The following TAF1 variants were observed in gnomAD, a reference collection of about 807,000 sequenced individuals.
TAF1 encodes TATA-box binding protein associated factor 1, also known as transcription initiation factor TFIID subunit 1.
TAF1 carries 2 observed loss-of-function variants against 138.5 expected under a neutral mutation model. That is an observed-to-expected ratio of 0.01 (90% confidence interval 0.01 to 0.05). TAF1 has a LOEUF of 0.05. Ranked by LOEUF, TAF1 falls within the 10% of genes least tolerant of loss-of-function variation. TAF1 has a pLI of 1.00. For synonymous variants in TAF1, 437 were observed against 503.2 expected (o/e 0.87, Z 1.76); for missense variants, 709 against 1,478.0 (o/e 0.48, Z 8.53).
At chrX:71,493,941 C>G (rs2039346146) in intron 13 of TAF1, among the ~76,000 whole-genome samples, 1 of 111,948 alleles carries the variant, frequency 8.9e-6, no homozygotes, top group Non-Finnish European at 1.9e-5. Context: ...CCACTGCACT[C>G]CAGCCTGGGT....
intron 13 of TAF1, among the ~76,000 whole-genome samples, chrX:71,487,127 C>A (rs1179366988): frequency 1.3e-4 from 14 of 105,494 alleles, no homozygotes; most frequent in African/African-American, 4.5e-4. Context: ...ACCCCTCTTC[C>A]TTCAGGGACT....
Position 71,393,484 on chromosome X carries a change from G to A in TAF1, c.3227+8G>A, listed in dbSNP as rs373273976. On this transcript the variant is annotated splice_region_variant and intron_variant, in intron 21 of 37. Transcript: ENST00000423759. Reference sequence around the variant, plus strand: ...CTTTGACCTACAGAACAAGTGGGTCGTTTTAGTGCTGCAGAAAATCCAAGC... The same window carrying A: ...CTTTGACCTACAGAACAAGTGGGTCATTTTAGTGCTGCAGAAAATCCAAGC... 3.4e-5 allele frequency: 40 copies of A among 1,171,503 alleles called. No homozygotes were observed. The highest frequency in any genetic ancestry group is 4.3e-5 in the Non-Finnish European group (38 of 877,956).
intron 32 of TAF1, among the ~76,000 whole-genome samples, chrX:71,424,468 C>A (rs771901344): frequency 1.1e-5 from 1 of 93,328 alleles, no homozygotes; most frequent in African/African-American, 4.1e-5. Context: ...ACTATTTTGC[C>A]CAGGCTGAGC....
At chrX:71,398,122 G>A (rs1418954276) in intron 23 of TAF1, among the ~76,000 whole-genome samples, 1 of 110,893 alleles carries the variant, frequency 9.0e-6, no homozygotes, top group Admixed American at 9.6e-5. Flanking sequence ...GGCGGATCAC[G>A]AGGTCAGGAG....
intron 3 of TAF1, among the ~76,000 whole-genome samples, chrX:71,370,470 C>T (rs1330583468): frequency 1.8e-5 from 2 of 111,205 alleles, no homozygotes; most frequent in East Asian, 5.7e-4. Flanking sequence ...CCTCAGCCTC[C>T]CCAGTAGCTG....
At chrX:71,370,514 T>C (rs1032218490) in intron 3 of TAF1, among the ~76,000 whole-genome samples, 5 of 111,149 alleles carry the variant, frequency 4.5e-5, no homozygotes, top group African/African-American at 1.6e-4. Context: ...TCCCGGCTAA[T>C]TTTTTTTGTA....
rs1177043454 is a variant in TAF1 at position 71,420,402 on chromosome X, C to T, written c.4385-907C>T. The T allele has an allele frequency of 4.7e-5, 57 of 1,208,719 alleles. 1 individual carries two copies. The South Asian group carries it at 7.4e-4, about 16-fold the overall frequency. On this transcript the variant is annotated intron_variant, in intron 28 of 37. Transcript: ENST00000423759. ...AAATTTGTCACAGAGTATGGTAACA[C>T]GGTTGACTGAACCACAGCCATGAAA...
chrX:71,458,084 C>T (rs1417942682), intron 34 of TAF1, among the ~76,000 whole-genome samples, 157 bp from the exon 35 acceptor site: 2 of 112,651 alleles, frequency 1.8e-5, no homozygotes, highest in Non-Finnish European at 3.7e-5. Context: ...TTATAAGAGT[C>T]CCAAAAACTT....
rs754073211 is a variant in TAF1 at position 71,375,260 on chromosome X, A to G, written c.446A>G (p.Asp149Gly). ...PPPPPGPMKK[D>G]KDQDSITGVS... ...CCACCCCCGGGACCAATGAAGAAGG[A>G]TAAGGACCAGGATTCTATTACTGGT... is the stretch of plus-strand genomic sequence containing the variant. Residue 149 changes from aspartate to glycine, a missense_variant, in exon 4 of 38, where the codon GAT (aspartate) becomes GGT (glycine). This residue lies in a region of TAF1 where 123 missense variants were observed against 161.6 expected (regional missense o/e 0.76). Transcript: ENST00000423759. 8.3e-7 allele frequency: 1 copy of G among 1,209,894 alleles called. No individual in the cohort carries two copies. Among genetic ancestry groups the G allele is most frequent in the Admixed American group, 2.2e-5 (1 of 45,528 alleles).
chrX:71,524,742 A>T (rs1224424971), intron 13 of TAF1, among the ~76,000 whole-genome samples: 1 of 109,515 alleles, frequency 9.1e-6, no homozygotes, highest in Non-Finnish European at 1.9e-5. Flanking sequence ...GGAATTCAAG[A>T]CCAGCCTGGC....
intron 18 of TAF1, among the ~76,000 whole-genome samples, chrX:71,391,509 C>A (rs920315504): frequency 9.1e-6 from 1 of 110,219 alleles, no homozygotes; most frequent in Admixed American, 9.7e-5. Flanking sequence ...CATAGTGAGA[C>A]CCTGTCTCTA....
rs752814741 is a variant in TAF1, at chrX:71,408,042, A to G, written c.4275A>G (p.Pro1425=). The G allele has an allele frequency of 5.0e-6, 6 of 1,211,926 alleles. No individual in the cohort carries two copies. The East Asian group carries it at 1.8e-4, about 36-fold the overall frequency. Residue 1425 remains proline (P), a synonymous_variant, in exon 28 of 38, where the codon CCA becomes CCG. Coordinates refer to ENST00000423759, the MANE Select transcript of TAF1 (RefSeq NM_004606.5). The part of the protein sequence containing the change: ...VKDYYKIITR[P]MDLQTLRENV... ...ACTACTACAAAATCATCACTCGGCCAATGGACCTACAAACACTCCGCGAAA... is the reference window on the plus strand; with the variant it reads ...ACTACTACAAAATCATCACTCGGCCGATGGACCTACAAACACTCCGCGAAA...
intron 1 of TAF1, among the ~76,000 whole-genome samples, 199 bp from the exon 2 acceptor site, chrX:71,367,300 G>A (rs1048517089): frequency 2.6e-4 from 29 of 112,588 alleles, no homozygotes; most frequent in African/African-American, 8.4e-4. Flanking sequence ...GTTGGCTGTG[G>A]TGCTTTAATA....
intron 5 of TAF1, 95 bp from the exon 6 acceptor site, chrX:71,377,508 T>C: frequency 9.9e-7 from 1 of 1,014,504 alleles, no homozygotes. Context: ...CCCCCACATT[T>C]GAAGAGATCT....
intron 32 of TAF1, among the ~76,000 whole-genome samples, chrX:71,450,683 A>G (rs2037917063): frequency 9.0e-6 from 1 of 111,627 alleles, no homozygotes; most frequent in Non-Finnish European, 1.9e-5. Flanking sequence ...AGTCTATTTC[A>G]CTGTACTAGA....
intron 18 of TAF1, 174 bp downstream of exon 18, chrX:71,389,839 T>A: frequency 2.7e-6 from 1 of 363,821 alleles, no homozygotes; most frequent in Non-Finnish European, 4.6e-6. Flanking sequence ...ATATTATATT[T>A]TATATGATAT....
intron 24 of TAF1, among the ~76,000 whole-genome samples, chrX:71,400,367 A>G (rs2035114866): frequency 8.9e-6 from 1 of 111,941 alleles, no homozygotes; most frequent in Non-Finnish European, 1.9e-5. Flanking sequence ...CTGGGATTAC[A>G]CGCATGAGCC....
At chrX:71,500,731 G>A (rs1027961278) in intron 13 of TAF1, among the ~76,000 whole-genome samples, 2 of 110,770 alleles carry the variant, frequency 1.8e-5, no homozygotes, top group African/African-American at 3.3e-5. Context: ...GCATCCTCCT[G>A]TTAGTATTGG....
intron 28 of TAF1, chrX:71,414,079 G>C (rs986448737): frequency 3.1e-5 from 3 of 98,292 alleles, no homozygotes; most frequent in Admixed American, 1.2e-4. Flanking sequence ...ACATTTGATT[G>C]TCTGCATTCT....
Sources: allele counts gnomAD v4.1 joint callset (sites outside exome capture counted in the v4.1 genomes callset), GRCh38; gene constraint gnomAD v4.1.1; regional missense constraint gnomAD v4.1.1; transcripts MANE v1.5; gene names NCBI Gene and HGNC (gene_info 2026-07-23, HGNC 2026-07-21).